Variants in DPP6 observed in about 807,000 individuals in gnomAD.
DPP6 encodes A-type potassium channel modulatory protein DPP6.
A neutral mutation model predicts 122.6 loss-of-function variants in DPP6; 69 were observed. That is an observed-to-expected ratio of 0.56 (90% confidence interval 0.46 to 0.69). DPP6 has a LOEUF of 0.69. Ranked by LOEUF, DPP6 falls within the 30% of genes least tolerant of loss-of-function variation. The probability of loss-of-function intolerance (pLI) is 0.00; values close to 1 mark genes in which losing one functional copy is unlikely to be tolerated. For missense variants in DPP6, 928 were observed against 1,116.9 expected (o/e 0.83, Z 2.41); for synonymous variants, 418 against 433.1 (o/e 0.97, Z 0.43).
intron 6 of DPP6, among the ~76,000 whole-genome samples, chr7:154,646,027 C>CAAAAAAAAAAAAAAAA (rs71184020): frequency 3.8e-4 from 22 of 57,940 alleles, no homozygotes; most frequent in Non-Finnish European, 4.4e-4. Flanking sequence ...GACTCCGTCT[C>CAAAAAAAAAAAAAAAA]AAAAAAAAAA....
intron 6 of DPP6, among the ~76,000 whole-genome samples, chr7:154,642,618 T>C (rs1245596750): frequency 6.8e-6 from 1 of 147,634 alleles, no homozygotes; most frequent in Non-Finnish European, 1.5e-5. Context: ...AAAAAATTAG[T>C]GCCCACCTCA....
At chr7:154,493,599 T>A (rs893661509) in intron 3 of DPP6, among the ~76,000 whole-genome samples, 15 of 152,220 alleles carry the variant, frequency 9.9e-5, no homozygotes, top group African/African-American at 3.6e-4. Flanking sequence ...ATGATGGTCA[T>A]CTTACATAAA....
intron 3 of DPP6, among the ~76,000 whole-genome samples, chr7:154,499,967 G>A (rs1825087743): frequency 6.6e-6 from 1 of 152,130 alleles, no homozygotes; most frequent in Non-Finnish European, 1.5e-5. Flanking sequence ...AGGAAACCAG[G>A]CACAAACATC....
At chr7:153,807,440 C>A in the DPP6 span, among the ~76,000 whole-genome samples, 44 of 150,072 alleles carry the variant, frequency 2.9e-4, no homozygotes, top group African/African-American at 1.0e-3. Flanking sequence ...AAAAAAAAAA[C>A]AAAGACCATA....
chr7:153,877,454 C>T, the DPP6 span, among the ~76,000 whole-genome samples: 1 of 151,960 alleles, frequency 6.6e-6, no homozygotes, highest in Non-Finnish European at 1.5e-5. Flanking sequence ...AGCGGTAGTG[C>T]AATAGGTTTG....
chr7:154,525,013 A>T (rs774314841), intron 3 of DPP6, among the ~76,000 whole-genome samples: 7 of 152,194 alleles, frequency 4.6e-5, no homozygotes, highest in Non-Finnish European at 1.0e-4. Context: ...GGTGTCTAGG[A>T]TAATCATGCT....
intron 1 of DPP6, among the ~76,000 whole-genome samples, chr7:153,945,154 C>A (rs1801891723): frequency 1.3e-5 from 2 of 152,300 alleles, no homozygotes; most frequent in South Asian, 4.2e-4. Context: ...CTGGTGCCAA[C>A]AACTGCTGCT....
the DPP6 span, among the ~76,000 whole-genome samples, chr7:153,802,948 C>T: frequency 1.3e-5 from 2 of 151,960 alleles, no homozygotes; most frequent in Non-Finnish European, 2.9e-5. Context: ...CTTCCTTCCT[C>T]GACCCTCTGA....
At chr7:154,252,235 T>TGTGTGTGTGTGTGTGTGC (rs60245069) in intron 1 of DPP6, among the ~76,000 whole-genome samples, 2,225 of 149,394 alleles carry the variant, frequency 0.015, 50 homozygotes, top group African/African-American at 0.051. Flanking sequence ...TGTGTGTGTG[T>TGTGTGTGTGTGTGTGTGC]GCGCGCATGC....
At position 154,863,160 on chromosome 7, in the gene DPP6, C is replaced by T. The variant is rs1443282798; in HGVS notation, c.1715-4835C>T. 6.6e-6 allele frequency among the ~76,000 whole-genome samples: 1 copy of T among 152,150 alleles called. No homozygotes were observed. Among genetic ancestry groups the T allele is most frequent in the East Asian group, 1.9e-4 (1 of 5,184 alleles). ...CAAGTGATCCTCCTCCCTTGGCCTCCCAAAGCATTGGGATTACAGACGTGA... is the reference window on the plus strand; with the variant it reads ...CAAGTGATCCTCCTCCCTTGGCCTCTCAAAGCATTGGGATTACAGACGTGA... On this transcript the variant is annotated intron_variant, in intron 17 of 25. Transcript: ENST00000377770. The surrounding 1 kb of genome is among the most constrained non-coding windows in gnomAD (Gnocchi z 4.1).
chr7:154,494,756 T>A (rs1457115158), intron 3 of DPP6, among the ~76,000 whole-genome samples: 1 of 152,184 alleles, frequency 6.6e-6, no homozygotes, highest in African/African-American at 2.4e-5. Context: ...CCCAACCCAC[T>A]GTCTTTCCAT....
chr7:154,126,898 C>T (rs1392050338), intron 1 of DPP6, among the ~76,000 whole-genome samples: 1 of 152,264 alleles, frequency 6.6e-6, no homozygotes, highest in African/African-American at 2.4e-5. Flanking sequence ...TCCCTATTTT[C>T]TAGTTATACC....
rs182258153 is a variant in DPP6 at position 154,632,277 on chromosome 7, A to C, written c.628-5544A>C. Reference sequence around the variant, plus strand: ...ATGTAAGGAGGCAGCTTTAGGCTAAACGTGACTTAACGGTAGCTTCTTTGT... The same window carrying C: ...ATGTAAGGAGGCAGCTTTAGGCTAACCGTGACTTAACGGTAGCTTCTTTGT... On this transcript the variant is annotated intron_variant, in intron 5 of 25. Transcript: ENST00000377770. 1.3e-3 allele frequency among the ~76,000 whole-genome samples: 200 copies of C among 152,330 alleles called. 2 individuals carry two copies. The highest frequency in any genetic ancestry group is 2.2e-3 in the Admixed American group (34 of 15,304).
At chr7:153,876,832 A>G in the DPP6 span, among the ~76,000 whole-genome samples, 6 of 152,052 alleles carry the variant, frequency 3.9e-5, no homozygotes, top group Non-Finnish European at 5.9e-5. Flanking sequence ...GCTGGACTGA[A>G]TACCTAATTT....
rs779099649 is a variant in DPP6 at position 154,604,152 on chromosome 7, G to T, written c.628-33669G>T. 1.6e-4 allele frequency among the ~76,000 whole-genome samples: 19 copies of T among 120,830 alleles called. 6 individuals are homozygous for T. The highest frequency in any genetic ancestry group is 3.2e-4 in the Non-Finnish European group (17 of 53,644). 79.3% of individuals were successfully genotyped at this position (120,830 alleles called of 152,430 possible). On this transcript the variant is annotated intron_variant, in intron 5 of 25. Transcript: ENST00000377770. Reference sequence around the variant, plus strand: ...TATTTTTATTTATACTCTGGAGAAGGTAAGTTTATTTTTCTCCTACAATAA... The same window carrying T: ...TATTTTTATTTATACTCTGGAGAAGTTAAGTTTATTTTTCTCCTACAATAA...
chr7:153,990,913 T>C (rs1210762551), intron 1 of DPP6, among the ~76,000 whole-genome samples: 2 of 152,240 alleles, frequency 1.3e-5, no homozygotes, highest in African/African-American at 2.4e-5. Context: ...TCAAATCATA[T>C]GTCTCTTCTG....
intron 7 of DPP6, 97 bp downstream of exon 7, chr7:154,669,538 T>TTGTGTG (rs3220067): frequency 5.0e-6 from 6 of 1,199,322 alleles, no homozygotes; most frequent in South Asian, 1.9e-5. Flanking sequence ...GTACATGGTG[T>TTGTGTG]TGTGTGTGTG....
At chr7:153,752,304 C>T in the DPP6 span, among the ~76,000 whole-genome samples, 1 of 148,002 alleles carries the variant, frequency 6.8e-6, no homozygotes, top group Non-Finnish European at 1.5e-5. Context: ...GGCTAGAGTG[C>T]AGTGGCATGA....
chr7:154,147,300 C>T (rs1271544361), intron 1 of DPP6, among the ~76,000 whole-genome samples: 1 of 152,166 alleles, frequency 6.6e-6, no homozygotes, highest in Non-Finnish European at 1.5e-5. Context: ...ATTCTCTCGT[C>T]CAGTCTTTTC....
Sources: gnomAD v4.1 joint callset for allele counts (sites outside exome capture counted in the v4.1 genomes callset) on GRCh38, gnomAD v4.1.1 for gene constraint, Gnocchi (gnomAD v3.1) non-coding constraint, MANE v1.5 for transcripts, NCBI Gene and HGNC (gene_info 2026-07-23, HGNC 2026-07-21) for gene names.